DCAF6: variants seen among roughly 807,000 people sequenced by gnomAD.
DCAF6 encodes DDB1 and CUL4 associated factor 6.
In DCAF6, 54 loss-of-function variants were observed where a neutral mutation model predicts 125.1. That is an observed-to-expected ratio of 0.43 (90% CI 0.35 to 0.54). DCAF6 has a LOEUF of 0.54. Ranked by LOEUF, DCAF6 falls within the 20% of genes least tolerant of loss-of-function variation. The probability of loss-of-function intolerance (pLI) is 0.01; values close to 1 mark genes in which losing one functional copy is unlikely to be tolerated. For missense variants in DCAF6, 934 were observed against 1,161.7 expected, an observed-to-expected ratio of 0.80 and a Z score of 2.85; for synonymous variants, 371 against 390.4, an observed-to-expected ratio of 0.95 and a Z score of 0.58.
intron 2 of DCAF6, among the ~76,000 whole-genome samples, chr1:167,965,266 T>G (rs568039411): frequency 6.6e-6 from 1 of 152,316 alleles, no homozygotes; most frequent in Non-Finnish European, 1.5e-5. Flanking sequence ...CAAGGGATTA[T>G]CAGCACCTCC....
chr1:168,012,486 A>G (rs748497002), intron 10 of DCAF6, among the ~76,000 whole-genome samples: 9 of 152,072 alleles, frequency 5.9e-5, no homozygotes, highest in East Asian at 1.9e-4. Context: ...ATTGTATTCA[A>G]TTTTCAGTTT....
chr1:167,875,085 T>C, the DCAF6 span: 5 of 1,467,382 alleles, frequency 3.4e-6, no homozygotes, highest in South Asian at 4.5e-5. Flanking sequence ...CTGCATGTTT[T>C]GTTTTAGTTC....
At chr1:168,027,554 A>C (rs2103277408) in intron 12 of DCAF6, among the ~76,000 whole-genome samples, 1 of 152,256 alleles carries the variant, frequency 6.6e-6, no homozygotes, top group African/African-American at 2.4e-5. Flanking sequence ...CTTTTTAAAA[A>C]TTGATAGTTC....
intron 10 of DCAF6, among the ~76,000 whole-genome samples, chr1:168,010,818 G>A (rs1684179043): frequency 6.6e-6 from 1 of 151,880 alleles, no homozygotes; most frequent in Non-Finnish European, 1.5e-5. Context: ...CTTAAGTTAA[G>A]CCTAGAAATG....
At chr1:167,897,632 T>A in the DCAF6 span, among the ~76,000 whole-genome samples, 3,901 of 14,892 alleles carry the variant, frequency 0.26, 1,950 homozygotes, top group South Asian at 0.43. Context: ...GGCAACTCTC[T>A]TGTGTCACGG....
chr1:167,987,693 T>G, intron 5 of DCAF6, 85 bp downstream of exon 5: 1 of 700,510 alleles, frequency 1.4e-6, no homozygotes, highest in Non-Finnish European at 2.4e-6. Flanking sequence ...ATAATTAAGG[T>G]TATAATTAAA....
At chr1:168,053,550 A>G (rs780127062) in intron 17 of DCAF6, among the ~76,000 whole-genome samples, 1 of 152,228 alleles carries the variant, frequency 6.6e-6, no homozygotes, top group Non-Finnish European at 1.5e-5. Flanking sequence ...AGGAAAAAAG[A>G]TCAGACACAG....
At chr1:168,070,187 A>C (rs1299056325) in intron 21 of DCAF6, among the ~76,000 whole-genome samples, 2 of 152,122 alleles carry the variant, frequency 1.3e-5, no homozygotes, top group African/African-American at 4.8e-5. Context: ...GCAATCAAAA[A>C]GACAATTTCT....
intron 12 of DCAF6, among the ~76,000 whole-genome samples, chr1:168,032,668 A>G (rs902245258): frequency 1.2e-4 from 19 of 152,218 alleles, no homozygotes; most frequent in Non-Finnish European, 2.2e-4. Context: ...TTATATAATC[A>G]TACACACATC....
At chr1:168,054,812 G>A (rs1394342658) in intron 17 of DCAF6, among the ~76,000 whole-genome samples, 1 of 145,976 alleles carries the variant, frequency 6.9e-6, no homozygotes, top group Non-Finnish European at 1.5e-5. Context: ...AAGAACATAC[G>A]GGTTTGGTTT....
the DCAF6 span, among the ~76,000 whole-genome samples, chr1:167,871,519 C>CT: frequency 6.6e-6 from 1 of 152,138 alleles, no homozygotes. Flanking sequence ...TGAAACCCTG[C>CT]TGTAAGGAGC....
chr1:167,991,322 T>C lies in DCAF6; in HGVS notation c.671T>C (p.Leu224Pro). Residue 224 changes from leucine to proline, a missense_variant, in exon 6 of 22, where the codon CTG becomes CCG. Physicochemically the swap from Leu to Pro is moderately conservative, Grantham distance 98. This residue lies in a region of DCAF6 where 309 missense variants were observed against 381.2 expected (regional missense o/e 0.81). Transcript: ENST00000367840. The part of the protein sequence containing the change: ...SSVRIYDRRM[L>P]GTRATGNYAG... ...GTACGAATATATGATCGGCGAATGCTGGGCACAAGAGCTACAGGTAAGAAG... is the reference window on the plus strand; with the variant it reads ...GTACGAATATATGATCGGCGAATGCCGGGCACAAGAGCTACAGGTAAGAAG... 1 of 1,612,620 alleles carries C rather than the reference T, an allele frequency of 6.2e-7. No homozygotes were observed. Among genetic ancestry groups the C allele is most frequent in the Non-Finnish European group, 8.5e-7 (1 of 1,179,290 alleles).
rs772847109 is a variant in DCAF6, at chr1:167,936,885, C to T, written c.-27C>T. On this transcript the variant is annotated 5_prime_UTR_variant, in exon 1 of 22. Transcript: ENST00000367840. ...CCTCCCCTCCCCCACGCGGTGGTCTCCCCTCCCACCCGGCTCAGGCAGAGC... is the reference window on the plus strand; with the variant it reads ...CCTCCCCTCCCCCACGCGGTGGTCTTCCCTCCCACCCGGCTCAGGCAGAGC... The T allele has an allele frequency of 9.4e-6, 14 of 1,495,362 alleles. 1 individual carries two copies. In the South Asian group the frequency reaches 1.3e-4, roughly 14 times the overall value. 92.6% of individuals were successfully genotyped at this position (1,495,362 alleles called of 1,614,324 possible).
intron 17 of DCAF6, among the ~76,000 whole-genome samples, chr1:168,059,935 G>A (rs374602156): frequency 5.9e-5 from 9 of 152,100 alleles, no homozygotes; most frequent in Non-Finnish European, 1.2e-4. Flanking sequence ...GGTGTGAACT[G>A]CTGCACTCAG....
chr1:167,997,280 C>T (rs1217813145), intron 7 of DCAF6, among the ~76,000 whole-genome samples: 1 of 152,192 alleles, frequency 6.6e-6, no homozygotes, highest in Admixed American at 6.6e-5. Flanking sequence ...AAATTCCTCT[C>T]TGTTGAAACC....
At chr1:167,938,272 T>TTGTGTGTG in intron 1 of DCAF6, among the ~76,000 whole-genome samples, 1 of 151,690 alleles carries the variant, frequency 6.6e-6, no homozygotes, top group African/African-American at 2.4e-5. Context: ...GTGTGTGTGT[T>TTGTGTGTG]TGTGTGTGTA....
At position 168,022,863 on chromosome 1, in the gene DCAF6, C is replaced by T. The variant is rs141692383; in HGVS notation, c.1550-125C>T. On this transcript the variant is annotated intron_variant, in intron 11 of 21. Transcript: ENST00000367840. Reference sequence around the variant, plus strand: ...CTGCTTACTCACTGCTTGGGAATCACACCACAGTACTTACTTCTATTCCGC... The same window carrying T: ...CTGCTTACTCACTGCTTGGGAATCATACCACAGTACTTACTTCTATTCCGC... 1,846 of 823,364 alleles carry T rather than the reference C, an allele frequency of 2.2e-3. 20 individuals are homozygous for T. The East Asian group carries it at 0.027, about 12-fold the overall frequency. 51.0% of individuals were successfully genotyped at this position (823,364 alleles called of 1,614,324 possible).
At chr1:167,923,703 A>G in the DCAF6 span, among the ~76,000 whole-genome samples, 1 of 151,752 alleles carries the variant, frequency 6.6e-6, no homozygotes, top group Admixed American at 6.6e-5. Context: ...ACCACATTAA[A>G]AAAAAAAAAG....
chr1:167,925,705 C>G, the DCAF6 span, among the ~76,000 whole-genome samples: 12,076 of 151,358 alleles, frequency 0.08, 565 homozygotes, highest in Middle Eastern at 0.11. Context: ...TGCCACCACA[C>G]CCGGCTAATT....
Sources: allele counts gnomAD v4.1 joint callset (sites outside exome capture counted in the v4.1 genomes callset), GRCh38; gene constraint gnomAD v4.1.1; regional missense constraint gnomAD v4.1.1; transcripts MANE v1.5; gene names NCBI Gene and HGNC (gene_info 2026-07-23, HGNC 2026-07-21).